EXOC4: variants seen among roughly 807,000 people sequenced by gnomAD.
The protein encoded by EXOC4 is SEC8-like 1.
Under a neutral mutation model 107.2 loss-of-function variants are expected in EXOC4, and 71 were observed. The observed-to-expected ratio is 0.66, with a 90% CI of 0.55 to 0.81. The LOEUF (loss-of-function observed/expected upper bound fraction) is 0.81. Among genes scored for constraint, EXOC4 ranks in the 30% least tolerant of loss-of-function variants. The probability of loss-of-function intolerance (pLI) is 0.00; values close to 1 mark genes in which losing one functional copy is unlikely to be tolerated. For missense variants in EXOC4, 1,108 were observed against 1,189.6 expected, an observed-to-expected ratio of 0.93 and a Z score of 1.01; for synonymous variants, 456 against 441.2, an observed-to-expected ratio of 1.03 and a Z score of -0.42.
chr7:133,856,921 A>G (rs900200021), intron 11 of EXOC4, among the ~76,000 whole-genome samples: 35 of 151,028 alleles, frequency 2.3e-4, no homozygotes, highest in Non-Finnish European at 3.5e-4. Flanking sequence ...TAACACGGTG[A>G]AACCCCGTCT....
intron 5 of EXOC4, among the ~76,000 whole-genome samples, chr7:133,349,845 T>C (rs1483975577): frequency 1.3e-5 from 2 of 152,030 alleles, no homozygotes; most frequent in Non-Finnish European, 2.9e-5. Context: ...TTCCTGTTTT[T>C]TTTTGGGGGG....
At chr7:133,533,074 G>A (rs1329775823) in intron 9 of EXOC4, among the ~76,000 whole-genome samples, 1 of 152,056 alleles carries the variant, frequency 6.6e-6, no homozygotes, top group Admixed American at 6.6e-5. Context: ...CAGAAGCTCT[G>A]AGCAATGTAT....
intron 7 of EXOC4, among the ~76,000 whole-genome samples, chr7:133,468,458 G>C (rs1798787283): frequency 6.6e-6 from 1 of 152,110 alleles, no homozygotes; most frequent in African/African-American, 2.4e-5. Context: ...GCTCTATGAG[G>C]AAAACTCGAT....
intron 10 of EXOC4, among the ~76,000 whole-genome samples, chr7:133,721,113 C>G (rs1051626530): frequency 2.0e-5 from 3 of 152,080 alleles, no homozygotes; most frequent in Admixed American, 6.6e-5. Flanking sequence ...AAAATATGTA[C>G]TATACACTGG....
chr7:133,858,706 T>C (rs1250863236), intron 11 of EXOC4, among the ~76,000 whole-genome samples: 1 of 152,190 alleles, frequency 6.6e-6, no homozygotes, highest in Non-Finnish European at 1.5e-5. Context: ...GATTCGGAAA[T>C]GGGATGGTGT....
At chr7:133,413,449 C>T (rs930798760) in intron 7 of EXOC4, among the ~76,000 whole-genome samples, 1 of 152,102 alleles carries the variant, frequency 6.6e-6, no homozygotes, top group Non-Finnish European at 1.5e-5. Context: ...CTTTAGTCTT[C>T]CGTAGCTGAA....
At chr7:133,823,871 A>ATATATATATATATATATATT (rs1563014863) in intron 11 of EXOC4, among the ~76,000 whole-genome samples, 4 of 14,322 alleles carry the variant, frequency 2.8e-4, no homozygotes, top group East Asian at 2.4e-3. Context: ...ATATATATAT[A>ATATATATATATATATATATT]TTATATATAT....
At chr7:133,358,426 G>A (rs574846453) in intron 6 of EXOC4, among the ~76,000 whole-genome samples, 1 of 152,270 alleles carries the variant, frequency 6.6e-6, no homozygotes, top group South Asian at 2.1e-4. Context: ...AAATGCGTGT[G>A]TATATGAATA....
At chr7:134,075,003 TA>T in the EXOC4 span, among the ~76,000 whole-genome samples, 775 of 151,248 alleles carry the variant, frequency 5.1e-3, 9 homozygotes, top group Middle Eastern at 6.8e-3. Context: ...CTCCACAGTA[TA>T]AAAAAAAAGT....
At chr7:133,394,318 G>A (rs1009002366) in intron 7 of EXOC4, among the ~76,000 whole-genome samples, 7 of 151,960 alleles carry the variant, frequency 4.6e-5, no homozygotes, top group South Asian at 2.1e-4. Flanking sequence ...TTTCTTACTC[G>A]TATTTAAAAA....
At chr7:133,276,317 T>C (rs1793989921) in intron 2 of EXOC4, among the ~76,000 whole-genome samples, 1 of 152,208 alleles carries the variant, frequency 6.6e-6, no homozygotes, top group African/African-American at 2.4e-5. Flanking sequence ...TATAACATTA[T>C]AGTTATGTGG....
the EXOC4 span, among the ~76,000 whole-genome samples, chr7:134,078,127 C>T: frequency 6.6e-6 from 1 of 152,092 alleles, no homozygotes; most frequent in African/African-American, 2.4e-5. Flanking sequence ...CATCAACCAT[C>T]ACAGTGAGCA....
intron 11 of EXOC4, among the ~76,000 whole-genome samples, chr7:133,831,631 C>T (rs1563018499): frequency 6.6e-6 from 1 of 151,220 alleles, no homozygotes; most frequent in African/African-American, 2.4e-5. Flanking sequence ...TTGTATATTG[C>T]CTGCCCCAGC....
chr7:133,644,548 T>C (rs1802941206), intron 10 of EXOC4, among the ~76,000 whole-genome samples: 1 of 152,222 alleles, frequency 6.6e-6, no homozygotes, highest in African/African-American at 2.4e-5. Context: ...TTTTTGGTCC[T>C]CATACCAACC....
At chr7:133,768,440 G>A (rs1796181338) in intron 10 of EXOC4, 1 of 151,898 alleles carries the variant, frequency 6.6e-6, no homozygotes, top group Non-Finnish European at 1.5e-5. Flanking sequence ...AGAGGCCCTA[G>A]GGTATGTAAA....
At chr7:133,425,629 A>C (rs900500063) in intron 7 of EXOC4, among the ~76,000 whole-genome samples, 7 of 152,188 alleles carry the variant, frequency 4.6e-5, no homozygotes, top group Non-Finnish European at 8.8e-5. Context: ...GGCTCAGGTC[A>C]TGACGGGAAC....
intron 9 of EXOC4, among the ~76,000 whole-genome samples, chr7:133,570,448 C>T (rs1309602841): frequency 6.6e-6 from 1 of 152,208 alleles, no homozygotes; most frequent in East Asian, 1.9e-4. Context: ...ACATGTCGTG[C>T]TCTTTCACCA....
chr7:134,092,001 C>A, the EXOC4 span, among the ~76,000 whole-genome samples: 1 of 152,116 alleles, frequency 6.6e-6, no homozygotes, highest in African/African-American at 2.4e-5. Context: ...TATATATATG[C>A]AAATATTCCA....
At chr7:133,568,175 C>G (rs948910349) in intron 9 of EXOC4, among the ~76,000 whole-genome samples, 5 of 152,034 alleles carry the variant, frequency 3.3e-5, no homozygotes, top group African/African-American at 4.8e-5. Flanking sequence ...TTTTCTGCAA[C>G]CTGTCTCCTC....
Sources: allele counts gnomAD v4.1 joint callset (sites outside exome capture counted in the v4.1 genomes callset), GRCh38; gene constraint gnomAD v4.1.1; transcripts MANE v1.5; gene names NCBI Gene and HGNC (gene_info 2026-07-23, HGNC 2026-07-21).